DGCR2: variants seen among roughly 807,000 people sequenced by gnomAD.
The protein encoded by DGCR2 is integral membrane protein DGCR2/IDD.
Under a neutral mutation model 51.6 loss-of-function variants are expected in DGCR2, and 24 were observed. The ratio of observed to expected loss-of-function variants is 0.47; its 90% confidence interval spans 0.34 to 0.65. DGCR2 has a LOEUF of 0.65. DGCR2 is among the 30% of genes least tolerant of loss of function. DGCR2 has a pLI of 0.01. For synonymous variants in DGCR2, 340 were observed against 315.4 expected, an observed-to-expected ratio of 1.08 and a Z score of -0.82; for missense variants, 765 against 772.1, an observed-to-expected ratio of 0.99 and a Z score of 0.11.
At chr22:19,065,935 C>T (rs543003219) in intron 3 of DGCR2, 7 of 149,014 alleles carry the variant, frequency 4.7e-5, no homozygotes, top group African/African-American at 1.8e-4. Flanking sequence ...ACACGTATCC[C>T]CATGTATTTA....
intron 6 of DGCR2, among the ~76,000 whole-genome samples, chr22:19,053,075 C>G (rs541990697): frequency 3.6e-4 from 55 of 152,314 alleles, no homozygotes; most frequent in South Asian, 1.0e-3. Flanking sequence ...CAAATATGTT[C>G]CCCAAACCAA....
rs534799681 is a variant in DGCR2 at position 19,106,142 on chromosome 22, C to T, written c.79+15986G>A. 3.3e-5 allele frequency among the ~76,000 whole-genome samples: 5 copies of T among 152,292 alleles called. No homozygotes were observed. In the South Asian group the frequency reaches 6.2e-4, roughly 19 times the overall value. On this transcript the variant is annotated intron_variant, in intron 1 of 9. Coordinates refer to ENST00000263196, the MANE Select transcript of DGCR2 (RefSeq NM_005137.3). ...TGGCCCGTGCAACCCTGCTCAGCCT[C>T]GCCAGGCTGCTTCCTCCATCTGTAA...
At chr22:19,065,465 C>T (rs549616338) in intron 3 of DGCR2, among the ~76,000 whole-genome samples, 1 of 152,298 alleles carries the variant, frequency 6.6e-6, no homozygotes, top group African/African-American at 2.4e-5. Flanking sequence ...TAGCTCACTC[C>T]CCTCTCTCCC....
chr22:19,096,569 A>C, intron 1 of DGCR2, among the ~76,000 whole-genome samples: 1 of 151,996 alleles, frequency 6.6e-6, no homozygotes. Context: ...TATACCCCAC[A>C]CATGTAACTA....
chr22:19,041,316 A>G (rs770116529), intron 8 of DGCR2, 22 bp from the exon 9 acceptor site: 1 of 1,609,818 alleles, frequency 6.2e-7, no homozygotes, highest in Non-Finnish European at 8.5e-7. Context: ...AAAGTGTGCA[A>G]CGGGAACAGA....
At chr22:19,056,553 A>AC in intron 6 of DGCR2, 1 of 362,364 alleles carries the variant, frequency 2.8e-6, no homozygotes, top group African/African-American at 3.2e-5. Flanking sequence ...GCTGGCTTTA[A>AC]TAAAAAAAAA....
chr22:19,116,321 C>T (rs917724790), intron 1 of DGCR2, among the ~76,000 whole-genome samples: 3 of 152,248 alleles, frequency 2.0e-5, no homozygotes, highest in Non-Finnish European at 4.4e-5. Context: ...CCTAGACTTG[C>T]CCTGCCAAGC....
rs1264009782 is a variant in DGCR2 at position 19,057,271 on chromosome 22, G to A, written c.626-109C>T. The A allele has an allele frequency of 1.1e-5, 13 of 1,230,028 alleles. No individual in the cohort carries two copies. Among genetic ancestry groups the A allele is most frequent in the Non-Finnish European group, 1.3e-5 (12 of 900,812 alleles). 76.2% of individuals were successfully genotyped at this position (1,230,028 alleles called of 1,614,324 possible). A position where few individuals can be genotyped will look rare whatever the true frequency, so the allele number is the denominator to read the frequency against. ...ACAGGATCATCAACCACAGGGCCTG[G>A]ACCGCCAAGTACTGGTGGTCACTGT... On this transcript the variant is annotated intron_variant, in intron 5 of 9. Transcript: ENST00000263196. This position sits in a 1 kb window ranked among gnomAD's most constrained non-coding sequence, Gnocchi z 5.1.
At chr22:19,105,539 A>AC (rs1395627060) in intron 1 of DGCR2, among the ~76,000 whole-genome samples, 4 of 152,134 alleles carry the variant, frequency 2.6e-5, no homozygotes, top group African/African-American at 4.8e-5. Context: ...CCCATTCTGA[A>AC]CAGGTGCTGC....
At chr22:19,053,933 C>T (rs1231612034) in intron 6 of DGCR2, among the ~76,000 whole-genome samples, 1 of 152,118 alleles carries the variant, frequency 6.6e-6, no homozygotes, top group Non-Finnish European at 1.5e-5. Context: ...TCAATGGGCT[C>T]ATAAGCAGAC....
chr22:19,058,980 C>A (rs574812103), intron 5 of DGCR2, among the ~76,000 whole-genome samples: 1 of 152,224 alleles, frequency 6.6e-6, no homozygotes, highest in Non-Finnish European at 1.5e-5. Context: ...GCTGGTCATG[C>A]GGGCACTGCA....
intron 3 of DGCR2, 171 bp from the exon 4 acceptor site, chr22:19,065,238 A>G: frequency 1.6e-6 from 1 of 606,416 alleles, no homozygotes; most frequent in Non-Finnish European, 2.9e-6. Context: ...GAAATGCTCA[A>G]GTTTCTCTAA....
chr22:19,120,287 G>C (rs777612062), intron 1 of DGCR2, among the ~76,000 whole-genome samples: 3 of 152,088 alleles, frequency 2.0e-5, no homozygotes, highest in African/African-American at 7.2e-5. Context: ...GCCCTACTCC[G>C]ACCTCAGTGT....
At position 19,091,812 on chromosome 22, in the gene DGCR2, C is replaced by T. The variant is rs964207433; in HGVS notation, c.80-2322G>A. 3.3e-5 allele frequency among the ~76,000 whole-genome samples: 5 copies of T among 150,996 alleles called. No individual in the cohort carries two copies. In the East Asian group the frequency reaches 7.8e-4, roughly 24 times the overall value. Reference sequence around the variant, plus strand: ...AAAATTAGTTGGGTGTGGTGATGCACGCCTGTAATCCCAGCAACGTGGGAG... The same window carrying T: ...AAAATTAGTTGGGTGTGGTGATGCATGCCTGTAATCCCAGCAACGTGGGAG... On this transcript the variant is annotated intron_variant, in intron 1 of 9. Transcript: ENST00000263196.
intron 6 of DGCR2, among the ~76,000 whole-genome samples, chr22:19,052,441 A>C (rs1289513972): frequency 1.1e-5 from 1 of 87,202 alleles, no homozygotes; most frequent in East Asian, 3.3e-4. Flanking sequence ...CACACACACA[A>C]AAGAAAAAAA....
At chr22:19,097,526 T>C (rs1361924844) in intron 1 of DGCR2, among the ~76,000 whole-genome samples, 1 of 152,162 alleles carries the variant, frequency 6.6e-6, no homozygotes, top group Non-Finnish European at 1.5e-5. Flanking sequence ...CACTCCAGCC[T>C]GGGCGACAGA....
chr22:19,084,823 G>A lies in DGCR2; in HGVS notation c.202+4545C>T, dbSNP rs536465982. Among the ~76,000 whole-genome samples the A allele has an allele frequency of 2.6e-3, 383 of 146,094 alleles. 15 individuals carry two copies. The highest frequency in any genetic ancestry group is 0.023 in the Admixed American group (330 of 14,608). On this transcript the variant is annotated intron_variant, in intron 2 of 9. Transcript: ENST00000263196. ...GGGAAGGAGGTGGGGGGGCGCCTCC[G>A]CCCGGCCAGCCGCCCCGTCCGGGAG...
chr22:19,117,632 G>A (rs1337967784), intron 1 of DGCR2, among the ~76,000 whole-genome samples: 2 of 152,348 alleles, frequency 1.3e-5, no homozygotes, highest in East Asian at 3.9e-4. Context: ...CATACACATG[G>A]AAGATGAGGG....
chr22:19,120,689 C>G (rs2083422351), intron 1 of DGCR2, among the ~76,000 whole-genome samples: 1 of 152,228 alleles, frequency 6.6e-6, no homozygotes, highest in Non-Finnish European at 1.5e-5. Flanking sequence ...GTGACCTCAT[C>G]TGCAAAACTG....
Sources: gnomAD v4.1 joint callset for allele counts (sites outside exome capture counted in the v4.1 genomes callset) on GRCh38, gnomAD v4.1.1 for gene constraint, Gnocchi (gnomAD v3.1) non-coding constraint, MANE v1.5 for transcripts, NCBI Gene and HGNC (gene_info 2026-07-23, HGNC 2026-07-21) for gene names.